ADCY7: variants seen among roughly 807,000 people sequenced by gnomAD.
ADCY7 encodes the protein adenylate cyclase type 7.
Under a neutral mutation model 120.6 loss-of-function variants are expected in ADCY7, and 72 were observed. The ratio of observed to expected loss-of-function variants is 0.60; its 90% CI spans 0.49 to 0.73. The LOEUF (loss-of-function observed/expected upper bound fraction) is 0.73, where lower values mean the gene tolerates loss of function less well. Ranked by LOEUF, ADCY7 falls within the 30% of genes least tolerant of loss-of-function variation. The probability of loss-of-function intolerance (pLI) is 0.00; values close to 1 mark genes in which losing one functional copy is unlikely to be tolerated. For missense variants in ADCY7, 1,227 were observed against 1,486.0 expected (o/e 0.83, Z 2.87); for synonymous variants, 661 against 628.0 (o/e 1.05, Z -0.78).
At chr16:50,292,434 T>C (rs563724852) in intron 4 of ADCY7, among the ~76,000 whole-genome samples, 4 of 152,336 alleles carry the variant, frequency 2.6e-5, no homozygotes. Flanking sequence ...GGCCCTGGGC[T>C]CTGTGAGGTG....
At chr16:50,313,237 C>T (rs572406858) in intron 22 of ADCY7, 48 of 547,574 alleles carry the variant, frequency 8.8e-5, no homozygotes, top group East Asian at 2.7e-4. Flanking sequence ...GCCAACATGG[C>T]GAAACCCTGT....
At chr16:50,311,497 C>T (rs1269642165) in intron 19 of ADCY7, among the ~76,000 whole-genome samples, 196 bp from the exon 20 acceptor site, 2 of 152,176 alleles carry the variant, frequency 1.3e-5, no homozygotes, top group East Asian at 3.8e-4. Context: ...AGGTCTTCCC[C>T]ACAAGGGCTC....
chr16:50,284,467 T>C (rs940165450), intron 1 of ADCY7, among the ~76,000 whole-genome samples: 17 of 152,270 alleles, frequency 1.1e-4, no homozygotes, highest in African/African-American at 4.1e-4. Flanking sequence ...CTGGAGCGGG[T>C]GTGTCCACAC....
At chr16:50,272,418 G>A (rs1454879274) in intron 1 of ADCY7, among the ~76,000 whole-genome samples, 11 of 152,208 alleles carry the variant, frequency 7.2e-5, no homozygotes, top group Non-Finnish European at 5.9e-5. Flanking sequence ...TGCCTCGGGC[G>A]CAGCTGACTG....
intron 24 of ADCY7, 192 bp downstream of exon 24, chr16:50,314,598 T>G (rs924282810): frequency 5.4e-6 from 3 of 551,912 alleles, no homozygotes; most frequent in African/African-American, 3.8e-5. Context: ...ATTGAGAGTT[T>G]TAATAATACG....
intron 1 of ADCY7, among the ~76,000 whole-genome samples, chr16:50,247,589 A>G (rs2032631274): frequency 7.7e-6 from 1 of 130,100 alleles, no homozygotes; most frequent in Non-Finnish European, 1.6e-5. Flanking sequence ...TATGTTGTCC[A>G]GGCTAGTCTT....
intron 1 of ADCY7, among the ~76,000 whole-genome samples, chr16:50,276,197 G>T (rs1349012578): frequency 1.3e-5 from 2 of 152,248 alleles, no homozygotes; most frequent in Non-Finnish European, 1.5e-5. Flanking sequence ...CCTACATGGA[G>T]GGGTCAGCCC....
intron 14 of ADCY7, 125 bp downstream of exon 14, chr16:50,305,974 C>A: frequency 2.2e-6 from 2 of 921,968 alleles, no homozygotes; most frequent in South Asian, 2.8e-5. Context: ...CACTGAGAAT[C>A]CACAGCTGCT....
intron 1 of ADCY7, among the ~76,000 whole-genome samples, chr16:50,249,095 G>A (rs1270486007): frequency 6.6e-6 from 1 of 152,152 alleles, no homozygotes; most frequent in African/African-American, 2.4e-5. Flanking sequence ...CCTTTGCTGT[G>A]CCTTCTTCCT....
Position 50,315,491 on chromosome 16 carries a change from C to G in ADCY7, c.3229C>G (p.Leu1077Val), listed in dbSNP as rs765919302. Reference protein sequence around the residue: ...VCTDTAKFQGLGLN With the variant: ...VCTDTAKFQGVGLN Reference sequence around the variant, plus strand: ...TACGGACACTGCCAAGTTTCAGGGGCTGGGGCTGAACTGAGGGCTCCTGCT... The same window carrying G: ...TACGGACACTGCCAAGTTTCAGGGGGTGGGGCTGAACTGAGGGCTCCTGCT... Residue 1077 changes from leucine to valine, a missense_variant, in exon 26 of 26, where the codon CTG (leucine) becomes GTG (valine). Physicochemically the swap from Leu to Val is conservative, Grantham distance 32. Coordinates refer to ENST00000673801, the MANE Select transcript of ADCY7 (RefSeq NM_001114.5). The G allele has an allele frequency of 6.8e-6, 11 of 1,612,902 alleles. No homozygotes were observed. The South Asian group carries it at 1.2e-4, about 18-fold the overall frequency.
chr16:50,313,692 A>G (rs1332349591), intron 22 of ADCY7: 4 of 433,232 alleles, frequency 9.2e-6, no homozygotes, highest in African/African-American at 8.0e-5. Flanking sequence ...TCCTGTGTAG[A>G]TAATGCTGTG....
At chr16:50,294,577 C>T (rs1015619426) in intron 6 of ADCY7, 63 bp from the exon 7 acceptor site, 85 of 1,099,836 alleles carry the variant, frequency 7.7e-5, no homozygotes, top group Non-Finnish European at 1.1e-4. Flanking sequence ...GTCCTGCGTG[C>T]TCCTGCTGCT....
In ADCY7 at chr16:50,294,634, C is replaced by T. The variant is rs749179162; in HGVS notation, c.837-6C>T. On this transcript the variant is annotated splice_polypyrimidine_tract_variant and splice_region_variant and intron_variant, in intron 6 of 25. Coordinates refer to ENST00000673801, the MANE Select transcript of ADCY7 (RefSeq NM_001114.5). ...GACACTCCCTCCCACCCTGCCCCAT[C>T]CCCAGCATCCTCTATGCGGACATCG... is the stretch of plus-strand genomic sequence containing the variant. 1 of 864,456 alleles carries T rather than the reference C, an allele frequency of 1.2e-6. No homozygotes were observed. The highest frequency in any genetic ancestry group is 1.3e-5 in the South Asian group (1 of 79,928). 53.5% of individuals were successfully genotyped at this position (864,456 alleles called of 1,614,324 possible).
chr16:50,300,895 G>T (rs188217442), intron 9 of ADCY7, 22 bp downstream of exon 9: 1 of 1,552,466 alleles, frequency 6.4e-7, no homozygotes, highest in East Asian at 2.4e-5. Context: ...CTGGGTAGCC[G>T]CAGGGACAGA....
At chr16:50,308,249 T>G in intron 15 of ADCY7, 78 bp from the exon 16 acceptor site, 38 of 1,611,132 alleles carry the variant, frequency 2.4e-5, no homozygotes, top group Non-Finnish European at 2.9e-5. Flanking sequence ...CAGGTGGCTG[T>G]GAGCCAGAGG....
intron 1 of ADCY7, among the ~76,000 whole-genome samples, chr16:50,276,343 G>T (rs2033889042): frequency 6.6e-6 from 1 of 152,202 alleles, no homozygotes; most frequent in African/African-American, 2.4e-5. Flanking sequence ...CTCATGGCAG[G>T]GTTGAGGGGT....
intron 3 of ADCY7, among the ~76,000 whole-genome samples, chr16:50,291,316 C>G (rs2034940696): frequency 7.6e-6 from 1 of 131,250 alleles, no homozygotes; most frequent in South Asian, 2.8e-4. Context: ...GGACGCAGGA[C>G]CAGCCGGTGG....
upstream of ADCY7, among the ~76,000 whole-genome samples, chr16:50,245,915 C>T (rs985766162): frequency 9.1e-4 from 137 of 150,502 alleles, no homozygotes; most frequent in African/African-American, 3.2e-3. Context: ...CCGGCCGCTC[C>T]CTCCCGCGGC....
chr16:50,314,431 T>TG lies in ADCY7; in HGVS notation c.2971+29dup. On this transcript the variant is annotated intron_variant, in intron 24 of 25. Coordinates refer to ENST00000673801, the MANE Select transcript of ADCY7 (RefSeq NM_001114.5). ...GGTGAGCCCGGGTGATGGAGCGGGG[T>TG]GGGGAGCCCCTGCCTCTAGGCCAGT... The TG allele has an allele frequency of 1.9e-6, 3 of 1,590,518 alleles. No individual in the cohort carries two copies. The South Asian group carries it at 3.3e-5, about 18-fold the overall frequency.
Sources: allele counts gnomAD v4.1 joint callset (sites outside exome capture counted in the v4.1 genomes callset), GRCh38; gene constraint gnomAD v4.1.1; transcripts MANE v1.5; gene names NCBI Gene and HGNC (gene_info 2026-07-23, HGNC 2026-07-21).